Variants in SEPTIN11 observed in about 807,000 individuals in gnomAD.
The protein encoded by SEPTIN11 is septin-11.
A neutral mutation model predicts 51.4 loss-of-function variants in SEPTIN11; 25 were observed. That is an observed-to-expected ratio of 0.49 (90% CI 0.35 to 0.68). SEPTIN11 has a LOEUF of 0.68. SEPTIN11 is among the 30% of genes least tolerant of loss of function. The pLI is 0.00. For missense variants in SEPTIN11, 381 were observed against 520.8 expected (o/e 0.73, Z 2.61); for synonymous variants, 174 against 184.1 (o/e 0.95, Z 0.44).
intron 5 of SEPTIN11, among the ~76,000 whole-genome samples, chr4:77,016,631 C>CAAATATATATATATATATAT: frequency 4.4e-5 from 1 of 22,720 alleles, no homozygotes; most frequent in Non-Finnish European, 8.7e-5. Context: ...TATATATATA[C>CAAATATATATATATATATAT]ACATATATAT....
At chr4:77,019,453 G>C (rs975266449) in intron 6 of SEPTIN11, among the ~76,000 whole-genome samples, 192 bp downstream of exon 6, 5 of 152,226 alleles carry the variant, frequency 3.3e-5, no homozygotes, top group African/African-American at 1.2e-4. Context: ...GTAGACAATG[G>C]AGAGACATGG....
chr4:76,950,639 G>C (rs943691879), intron 1 of SEPTIN11, among the ~76,000 whole-genome samples: 1 of 152,050 alleles, frequency 6.6e-6, no homozygotes, highest in Non-Finnish European at 1.5e-5. Flanking sequence ...GTGAAGAATC[G>C]AGTGCCCCAC....
At chr4:76,951,739 A>T (rs1441300361) in intron 1 of SEPTIN11, among the ~76,000 whole-genome samples, 1 of 152,196 alleles carries the variant, frequency 6.6e-6, no homozygotes, top group Non-Finnish European at 1.5e-5. Flanking sequence ...CACATTTTCT[A>T]TAAATTAGTT....
intron 1 of SEPTIN11, among the ~76,000 whole-genome samples, chr4:76,966,813 G>C (rs573879479): frequency 6.6e-6 from 1 of 152,088 alleles, no homozygotes; most frequent in Non-Finnish European, 1.5e-5. Context: ...GCAGTGAGCC[G>C]AGATTGTGCC....
chr4:77,018,134 A>G (rs1725425271), intron 5 of SEPTIN11, among the ~76,000 whole-genome samples: 1 of 152,242 alleles, frequency 6.6e-6, no homozygotes, highest in South Asian at 2.1e-4. Context: ...CATGTATTCA[A>G]TATAAAAATT....
intron 5 of SEPTIN11, among the ~76,000 whole-genome samples, chr4:77,016,615 CATATAT>C (rs370267588): frequency 1.3e-5 from 1 of 79,192 alleles, no homozygotes; most frequent in Non-Finnish European, 2.5e-5. Context: ...TATATATACA[CATATAT>C]ATATATATAC....
At chr4:76,965,141 A>C (rs1031159136) in intron 1 of SEPTIN11, among the ~76,000 whole-genome samples, 4 of 152,088 alleles carry the variant, frequency 2.6e-5, no homozygotes, top group Admixed American at 6.5e-5. Flanking sequence ...TGTTTTCATC[A>C]TTAATAGTAT....
chr4:76,960,790 A>G (rs1256535099), intron 1 of SEPTIN11, among the ~76,000 whole-genome samples: 2 of 152,176 alleles, frequency 1.3e-5, no homozygotes, highest in Non-Finnish European at 2.9e-5. Flanking sequence ...TGTCAAAACC[A>G]TATCCTTCTA....
intron 1 of SEPTIN11, among the ~76,000 whole-genome samples, chr4:76,954,329 C>T (rs974904345): frequency 2.6e-5 from 4 of 152,196 alleles, no homozygotes; most frequent in Admixed American, 2.6e-4. Flanking sequence ...TGGGATCCAT[C>T]TTTCATAGTC....
intron 1 of SEPTIN11, among the ~76,000 whole-genome samples, chr4:76,981,986 C>A (rs550047831): frequency 6.6e-6 from 1 of 152,100 alleles, no homozygotes; most frequent in East Asian, 1.9e-4. Context: ...AAGTGACACT[C>A]GAATACTTAG....
intron 1 of SEPTIN11, among the ~76,000 whole-genome samples, chr4:76,963,113 A>G (rs757846367): frequency 6.6e-5 from 10 of 152,246 alleles, no homozygotes; most frequent in Non-Finnish European, 1.2e-4. Flanking sequence ...TTCTATTCCA[A>G]TAAAGAGAGT....
intron 1 of SEPTIN11, among the ~76,000 whole-genome samples, chr4:76,950,392 TG>T (rs1321760536): frequency 1.3e-5 from 2 of 151,738 alleles, no homozygotes; most frequent in Non-Finnish European, 2.9e-5. Context: ...GTCAGAGGGG[TG>T]GGATTTCCGT....
intron 1 of SEPTIN11, among the ~76,000 whole-genome samples, chr4:76,968,914 A>T (rs763954333): frequency 3.3e-4 from 50 of 152,212 alleles, no homozygotes; most frequent in Non-Finnish European, 2.9e-4. Context: ...TTACATGGTC[A>T]TTGAACACTC....
At chr4:77,032,698 G>A (rs186810755) in intron 9 of SEPTIN11, among the ~76,000 whole-genome samples, 1 of 152,176 alleles carries the variant, frequency 6.6e-6, no homozygotes, top group South Asian at 2.1e-4. Context: ...GTGCATAAAG[G>A]TTCAAGTTTT....
chr4:77,028,703 A>T lies in SEPTIN11; in HGVS notation c.1028A>T (p.Gln343Leu), dbSNP rs200457354. 7 of 1,613,966 alleles carry T rather than the reference A, an allele frequency of 4.3e-6. No homozygotes were observed. The highest frequency in any genetic ancestry group is 5.1e-6 in the Non-Finnish European group (6 of 1,179,916). ...ELQKKEEEMR[Q>L]MFVMRVKEKE... ...CAGAAGAAAGAAGAAGAAATGAGACAAATGTTTGTTATGAGAGTGAAGGAG... is the reference window on the plus strand; with the variant it reads ...CAGAAGAAAGAAGAAGAAATGAGACTAATGTTTGTTATGAGAGTGAAGGAG... The change falls in exon 8 of 10, where the codon CAA becomes CTA. Residue 343 changes from glutamine (Q) to leucine (L), a missense_variant. Coordinates refer to ENST00000264893, the MANE Select transcript of SEPTIN11 (RefSeq NM_018243.4).
chr4:77,015,108 T>C, intron 5 of SEPTIN11, 91 bp downstream of exon 5: 1 of 1,275,784 alleles, frequency 7.8e-7, no homozygotes, highest in Non-Finnish European at 1.1e-6. Flanking sequence ...CTGGACTGAC[T>C]AGGAACCTGA....
intron 7 of SEPTIN11, among the ~76,000 whole-genome samples, chr4:77,027,524 C>T (rs1726259210): frequency 6.6e-6 from 1 of 152,150 alleles, no homozygotes; most frequent in Non-Finnish European, 1.5e-5. Context: ...CCTGAATTTC[C>T]TTTTTCTTCA....
At chr4:76,980,140 G>A (rs889803210) in intron 1 of SEPTIN11, among the ~76,000 whole-genome samples, 5 of 150,270 alleles carry the variant, frequency 3.3e-5, no homozygotes, top group Non-Finnish European at 7.4e-5. Context: ...TCCTTCTCTG[G>A]GTATTTTAAC....
At chr4:77,028,044 G>A (rs1726305927) in intron 7 of SEPTIN11, among the ~76,000 whole-genome samples, 1 of 152,122 alleles carries the variant, frequency 6.6e-6, no homozygotes, top group African/African-American at 2.4e-5. Context: ...TTTCCACATT[G>A]GGGGCTGGAG....
Sources: allele counts gnomAD v4.1 joint callset (sites outside exome capture counted in the v4.1 genomes callset), GRCh38; gene constraint gnomAD v4.1.1; transcripts MANE v1.5; gene names NCBI Gene and HGNC (gene_info 2026-07-23, HGNC 2026-07-21).